Variants in OLA1 observed in about 807,000 individuals in gnomAD.
The protein encoded by OLA1 is obg-like ATPase 1.
OLA1 carries 14 observed loss-of-function variants against 48.4 expected under a neutral mutation model. The observed-to-expected ratio is 0.29, with a 90% CI of 0.19 to 0.45. The LOEUF (loss-of-function observed/expected upper bound fraction) is 0.45. OLA1 is among the 20% of genes least tolerant of loss of function. OLA1 has a pLI of 1.00. For synonymous variants in OLA1, 127 were observed against 150.4 expected (o/e 0.84, Z 1.14); for missense variants, 325 against 467.1 (o/e 0.70, Z 2.80).
chr2:174,123,066 A>G (rs34684057), intron 7 of OLA1, 114 bp downstream of exon 7: 180,973 of 585,518 alleles, frequency 0.31, 29,726 homozygotes, highest in Non-Finnish European at 0.35. Context: ...AAACTTTTTA[A>G]TAAGGAGAAA....
intron 2 of OLA1, among the ~76,000 whole-genome samples, chr2:174,236,178 T>C (rs1688843843): frequency 6.6e-6 from 1 of 151,754 alleles, no homozygotes; most frequent in Non-Finnish European, 1.5e-5. Context: ...AAAGCAGAAA[T>C]ATATATACCA....
intron 4 of OLA1, among the ~76,000 whole-genome samples, chr2:174,211,197 ACAC>A: frequency 6.6e-6 from 1 of 151,756 alleles, no homozygotes; most frequent in East Asian, 1.9e-4. Flanking sequence ...ACACACACAC[ACAC>A]ACACACTCTC....
chr2:174,221,190 C>A (rs1266707857), intron 4 of OLA1, among the ~76,000 whole-genome samples: 1 of 152,080 alleles, frequency 6.6e-6, no homozygotes, highest in Admixed American at 6.6e-5. Flanking sequence ...ATTGGATTTT[C>A]TTTCCTTCCT....
intron 4 of OLA1, among the ~76,000 whole-genome samples, chr2:174,193,305 G>A (rs374926163): frequency 1.3e-5 from 2 of 152,084 alleles, no homozygotes; most frequent in South Asian, 2.1e-4. Flanking sequence ...GACCAGGCTG[G>A]TCTTAAACTC....
At chr2:174,211,601 G>A (rs7573921) in intron 4 of OLA1, among the ~76,000 whole-genome samples, 81,781 of 151,824 alleles carry the variant, frequency 0.54, 22,623 homozygotes, top group East Asian at 0.95. Context: ...ATACATATTC[G>A]CTTTTTTAAA....
chr2:174,090,125 C>G (rs942106971), intron 7 of OLA1, among the ~76,000 whole-genome samples: 4 of 151,996 alleles, frequency 2.6e-5, no homozygotes, highest in Non-Finnish European at 5.9e-5. Context: ...TGAAAAACCC[C>G]ATTCATTTTA....
At chr2:174,113,940 A>G (rs1196833791) in intron 7 of OLA1, among the ~76,000 whole-genome samples, 1 of 152,120 alleles carries the variant, frequency 6.6e-6, no homozygotes, top group Admixed American at 6.5e-5. Context: ...AATATCATAC[A>G]TCTCAGCAAT....
At chr2:174,127,945 A>G (rs1396270390) in intron 5 of OLA1, among the ~76,000 whole-genome samples, 1 of 152,052 alleles carries the variant, frequency 6.6e-6, no homozygotes, top group Non-Finnish European at 1.5e-5. Flanking sequence ...TATATTAAAT[A>G]TATCATTATT....
At chr2:174,166,566 TG>T (rs1275383838) in intron 4 of OLA1, among the ~76,000 whole-genome samples, 2 of 152,230 alleles carry the variant, frequency 1.3e-5, no homozygotes, top group Non-Finnish European at 2.9e-5. Context: ...TTTACTTGAA[TG>T]GGTCTCTGAT....
At chr2:174,123,041 T>G in intron 7 of OLA1, 139 bp downstream of exon 7, 1 of 553,154 alleles carries the variant, frequency 1.8e-6, no homozygotes, top group Non-Finnish European at 3.2e-6. Context: ...CAAGCACAGC[T>G]TTCTCATCCA....
At chr2:174,119,167 T>C (rs931090997) in intron 7 of OLA1, among the ~76,000 whole-genome samples, 1 of 151,946 alleles carries the variant, frequency 6.6e-6, no homozygotes, top group Non-Finnish European at 1.5e-5. Context: ...TTCCATCTCC[T>C]GTAATAAAAA....
chr2:174,146,177 G>A (rs990559750), intron 4 of OLA1, among the ~76,000 whole-genome samples: 1 of 152,178 alleles, frequency 6.6e-6, no homozygotes, highest in African/African-American at 2.4e-5. Context: ...AAGGTGGAGA[G>A]GTAAAGCAGT....
chr2:174,203,104 G>GA (rs980724349), intron 4 of OLA1, among the ~76,000 whole-genome samples: 30 of 150,298 alleles, frequency 2.0e-4, no homozygotes, highest in Non-Finnish European at 3.7e-4. Context: ...GTCATTTACT[G>GA]AAAAAAAAAT....
intron 5 of OLA1, among the ~76,000 whole-genome samples, chr2:174,140,297 A>G (rs1686413853): frequency 6.6e-6 from 1 of 152,150 alleles, no homozygotes; most frequent in Non-Finnish European, 1.5e-5. Context: ...ATATATTTCT[A>G]AAAGAAACTT....
chr2:174,154,076 G>A (rs769929214), intron 4 of OLA1, among the ~76,000 whole-genome samples: 7 of 151,952 alleles, frequency 4.6e-5, no homozygotes, highest in East Asian at 1.9e-4. Flanking sequence ...TTGTTATCTC[G>A]CCCAGGCTGA....
At chr2:174,223,227 C>T in intron 3 of OLA1, 67 bp from the exon 4 acceptor site, 1 of 1,417,284 alleles carries the variant, frequency 7.1e-7, no homozygotes, top group Non-Finnish European at 9.9e-7. Context: ...CAAATGAATT[C>T]TCCAAACATT....
intron 4 of OLA1, among the ~76,000 whole-genome samples, chr2:174,203,799 A>AT (rs35167847): frequency 0.4 from 57,277 of 142,840 alleles, 11,345 homozygotes; most frequent in Middle Eastern, 0.44. Flanking sequence ...ACGGAGTAGG[A>AT]TTTTTTTTTT....
At chr2:174,126,573 G>A (rs1686049290) in intron 5 of OLA1, among the ~76,000 whole-genome samples, 2 of 152,188 alleles carry the variant, frequency 1.3e-5, no homozygotes, top group Admixed American at 1.3e-4. Flanking sequence ...AGAGGTAACA[G>A]TATAATGCTT....
At chr2:174,116,555 G>A (rs1685788145) in intron 7 of OLA1, among the ~76,000 whole-genome samples, 1 of 152,136 alleles carries the variant, frequency 6.6e-6, no homozygotes, top group Admixed American at 6.6e-5. Context: ...CCTGAGATAT[G>A]GAAGAGGGAA....
Sources: allele counts gnomAD v4.1 joint callset (sites outside exome capture counted in the v4.1 genomes callset), GRCh38; gene constraint gnomAD v4.1.1; transcripts MANE v1.5; gene names NCBI Gene and HGNC (gene_info 2026-07-23, HGNC 2026-07-21).